Variants in SYF2 observed in about 807,000 individuals in gnomAD.
SYF2 encodes the protein SYF2 pre-mRNA splicing factor, also known as pre-mRNA-splicing factor SYF2.
SYF2 carries 21 observed loss-of-function variants against 32.7 expected under a neutral mutation model. The ratio of observed to expected loss-of-function variants is 0.64; its 90% confidence interval spans 0.45 to 0.92. The LOEUF (loss-of-function observed/expected upper bound fraction) is 0.92, where lower values mean the gene tolerates loss of function less well. SYF2 is among the 40% of genes least tolerant of loss of function. SYF2 has a pLI of 0.00. For missense variants in SYF2, 278 were observed against 296.5 expected (o/e 0.94, Z 0.46); for synonymous variants, 114 against 103.9 (o/e 1.10, Z -0.59).
chr1:25,228,322 T>C (rs896898319), intron 3 of SYF2, 87 bp from the exon 4 acceptor site: 1 of 1,135,260 alleles, frequency 8.8e-7, no homozygotes, highest in Admixed American at 2.0e-5. Context: ...CCAATAAATA[T>C]CAACCAATAC....
Position 25,232,275 on chromosome 1 carries a change from G to T in SYF2, c.25-64C>A. 1.9e-6 allele frequency: 3 copies of T among 1,564,788 alleles called. No individual in the cohort carries two copies. In the South Asian group the frequency reaches 3.4e-5, roughly 18 times the overall value. On this transcript the variant is annotated intron_variant, in intron 1 of 6. Coordinates refer to ENST00000236273, the MANE Select transcript of SYF2 (RefSeq NM_015484.5). The stretch of plus-strand genomic sequence containing the variant: ...AGCTTCTCCCAGGACTGCCCAGGCC[G>T]AGTCCCCGCCGGTCCCCACAGGCTG...
chr1:25,229,074 C>A lies in SYF2; in HGVS notation c.182G>T (p.Arg61Ile). Reference sequence around the variant, plus strand: ...TTCCCAATTTGCAGGTAATTTTAGTCTTTTATCTTCTTCCACAACTTCCTG... The same window carrying A: ...TTCCCAATTTGCAGGTAATTTTAGTATTTTATCTTCTTCCACAACTTCCTG... ...NHQEVVEEDK[R>I]LKLPANWEAK... Residue 61 changes from arginine (R) to isoleucine (I), a missense_variant, in exon 3 of 7, where the codon AGA becomes ATA. Coordinates refer to ENST00000236273, the MANE Select transcript of SYF2 (RefSeq NM_015484.5). 1 of 1,613,954 alleles carries A rather than the reference C, an allele frequency of 6.2e-7. No individual in the cohort carries two copies. The highest frequency in any genetic ancestry group is 8.5e-7 in the Non-Finnish European group (1 of 1,179,942).
At chr1:25,224,401 A>C (rs1399008090) in intron 6 of SYF2, among the ~76,000 whole-genome samples, 1 of 152,096 alleles carries the variant, frequency 6.6e-6, no homozygotes, top group Non-Finnish European at 1.5e-5. Flanking sequence ...GACTACAGGC[A>C]CGTACCACCA....
At chr1:25,225,328 G>A (rs764303456) in intron 5 of SYF2, among the ~76,000 whole-genome samples, 3 of 151,782 alleles carry the variant, frequency 2.0e-5, no homozygotes, top group Non-Finnish European at 2.9e-5. Flanking sequence ...AGGAGTTCAA[G>A]ACCAGCCTGG....
At chr1:25,230,324 G>A (rs1638602225) in intron 2 of SYF2, 1 of 151,804 alleles carries the variant, frequency 6.6e-6, no homozygotes, top group Non-Finnish European at 1.5e-5. Context: ...GGGGTAGCAG[G>A]GAGAAGAGTC....
chr1:25,223,314 T>C lies in SYF2; in HGVS notation c.684A>G (p.Lys228=). 2 of 1,613,932 alleles carry C rather than the reference T, an allele frequency of 1.2e-6. No individual in the cohort carries two copies. The highest frequency in any genetic ancestry group is 1.1e-5 in the South Asian group (1 of 91,076). Residue 228 remains lysine (K), a synonymous_variant, in exon 7 of 7, where the codon AAA becomes AAG. Transcript: ENST00000236273. ...FNKKAERFYG[K]YTAEIKQNLE... ...AATTCTGTTTAATTTCAGCTGTGTA[T>C]TTCCCATAGAATCTTTCAGCTTTCT...
At chr1:25,224,966 T>G in intron 6 of SYF2, 36 bp downstream of exon 6, 3 of 1,420,500 alleles carry the variant, frequency 2.1e-6, no homozygotes, top group Non-Finnish European at 3.0e-6. Context: ...TGTCATGAAG[T>G]ATTTACAACG....
At chr1:25,224,615 C>T (rs1349434745) in intron 6 of SYF2, among the ~76,000 whole-genome samples, 2 of 152,168 alleles carry the variant, frequency 1.3e-5, no homozygotes, top group Admixed American at 6.6e-5. Context: ...TTTCATTCTG[C>T]TCTACCTAAT....
At position 25,223,807 on chromosome 1, in the gene SYF2, G is replaced by A. The variant is rs148371735; in HGVS notation, c.567-376C>T. Among the ~76,000 whole-genome samples, 124 of 152,210 alleles carry A rather than the reference G, an allele frequency of 8.1e-4. 1 individual carries two copies. The highest frequency in any genetic ancestry group is 1.5e-3 in the Non-Finnish European group (103 of 68,004). The stretch of plus-strand genomic sequence containing the variant: ...CTGGGAGGATCACTTGAGCCCAGGA[G>A]TTCCAGACCAGGGCCTGGACAACAT... On this transcript the variant is annotated intron_variant, in intron 6 of 6. Transcript: ENST00000236273.
At chr1:25,225,974 G>A (rs1244100270) in intron 5 of SYF2, among the ~76,000 whole-genome samples, 1 of 151,642 alleles carries the variant, frequency 6.6e-6, no homozygotes, top group Non-Finnish European at 1.5e-5. Flanking sequence ...TGGCCAACAT[G>A]GTGAAACCCC....
chr1:25,225,143 C>T (rs1557469089), intron 5 of SYF2, 43 bp from the exon 6 acceptor site: 3 of 1,309,446 alleles, frequency 2.3e-6, no homozygotes, highest in Middle Eastern at 1.8e-4. Context: ...ACTATAAATG[C>T]TCCATTTTCA....
chr1:25,229,758 G>A (rs1183561284), intron 2 of SYF2, among the ~76,000 whole-genome samples: 4 of 148,586 alleles, frequency 2.7e-5, no homozygotes, highest in Admixed American at 6.7e-5. Context: ...CTGGGTGACA[G>A]AGCGAGACTC....
chr1:25,227,525 A>T lies in SYF2; in HGVS notation c.384T>A (p.Ala128=). The T allele has an allele frequency of 6.2e-7, 1 of 1,612,480 alleles. No individual in the cohort carries two copies. The highest frequency in any genetic ancestry group is 2.2e-5 in the East Asian group (1 of 44,884). ...KNPDLGFSDY[A]AAQLRQYHRL... ...GATGATACTGGCGTAACTGGGCAGC[A>T]GCATAATCTAAAAATATAAAATGAG... Residue 128 remains alanine (A), a synonymous_variant, in exon 5 of 7, where the codon GCT becomes GCA. Coordinates refer to ENST00000236273, the MANE Select transcript of SYF2 (RefSeq NM_015484.5).
intron 3 of SYF2, 67 bp from the exon 4 acceptor site, chr1:25,228,302 C>A: frequency 7.8e-7 from 1 of 1,276,286 alleles, no homozygotes. Flanking sequence ...TACTTTACAT[C>A]AAGAAAGATC....
Position 25,227,461 on chromosome 1 carries a change from CAT to C in SYF2, c.446_447del (p.Tyr149Ter), listed in dbSNP as rs1638535097. 7 of 1,613,730 alleles carry C rather than the reference CAT, an allele frequency of 4.3e-6. No homozygotes were observed. The highest frequency in any genetic ancestry group is 4.2e-6 in the Non-Finnish European group (5 of 1,179,892). On this transcript the variant is annotated frameshift_variant, in exon 5 of 7. Coordinates refer to ENST00000236273, the MANE Select transcript of SYF2 (RefSeq NM_015484.5). LOFTEE classifies it high-confidence loss of function. The part of the protein sequence containing the change: ...TKQIKPDMET[Y>X]ERLREKHGEE... ...ACTTACTGTTTTTCTCTCAGTCTCT[CAT>C]ATGTTTCCATGTCAGGTTTGATCTG...
chr1:25,228,956 AT>A, intron 3 of SYF2, 41 bp downstream of exon 3: 3 of 1,596,770 alleles, frequency 1.9e-6, no homozygotes, highest in Non-Finnish European at 2.6e-6. Context: ...ATACAACAGA[AT>A]GATTGACTAA....
At chr1:25,225,311 T>C (rs1638486759) in intron 5 of SYF2, among the ~76,000 whole-genome samples, 1 of 150,362 alleles carries the variant, frequency 6.7e-6, no homozygotes, top group African/African-American at 2.5e-5. Flanking sequence ...GCGGATCGTT[T>C]GAGGTCAGGA....
chr1:25,232,249 C>A, intron 1 of SYF2, 38 bp from the exon 2 acceptor site: 2 of 1,590,648 alleles, frequency 1.3e-6, no homozygotes, highest in Non-Finnish European at 1.7e-6. Flanking sequence ...AGAGCCGGCT[C>A]AGCTTCTCCC....
intron 3 of SYF2, among the ~76,000 whole-genome samples, chr1:25,228,486 C>T (rs1055528142): frequency 6.6e-6 from 1 of 152,022 alleles, no homozygotes; most frequent in African/African-American, 2.4e-5. Context: ...AGGCACATGC[C>T]ACCATGCCCG....
Sources: gnomAD v4.1 joint callset for allele counts (sites outside exome capture counted in the v4.1 genomes callset) on GRCh38, gnomAD v4.1.1 for gene constraint, MANE v1.5 for transcripts, NCBI Gene and HGNC (gene_info 2026-07-23, HGNC 2026-07-21) for gene names.